COL4A4: variants seen among roughly 807,000 people sequenced by gnomAD.
The protein encoded by COL4A4 is collagen alpha-4(IV) chain.
COL4A4 carries 105 observed loss-of-function variants against 192.9 expected under a neutral mutation model. That is an observed-to-expected ratio of 0.54 (90% confidence interval 0.46 to 0.64). The LOEUF (loss-of-function observed/expected upper bound fraction) is 0.64, where lower values mean the gene tolerates loss of function less well. Among genes scored for constraint, COL4A4 ranks in the 30% least tolerant of loss-of-function variants. The pLI is 0.00. For missense variants in COL4A4, 1,967 were observed against 2,169.3 expected (o/e 0.91, Z 1.85); for synonymous variants, 762 against 769.9 (o/e 0.99, Z 0.17).
Position 227,008,129 on chromosome 2 carries a change from A to G in COL4A4, c.4698T>C (p.Cys1566=). 1 of 1,614,042 alleles carries G rather than the reference A, an allele frequency of 6.2e-7. No homozygotes were observed. Among genetic ancestry groups the G allele is most frequent in the South Asian group, 1.1e-5 (1 of 91,064 alleles). Residue 1566 remains cysteine, a synonymous_variant, in exon 47 of 48, where the codon TGT becomes TGC. Transcript: ENST00000396625. Reference sequence around the variant, plus strand: ...CCTGGGCCGGGGCCTCGCATACCGCACAGCGGCTGACATAGGGGCGGATCG... The same window carrying G: ...CCTGGGCCGGGGCCTCGCATACCGCGCAGCGGCTGACATAGGGGCGGATCG... ...EEAIRPYVSR[C]AVCEAPAQAV...
At chr2:227,082,281 A>T in intron 22 of COL4A4, 94 bp from the exon 23 acceptor site, 1 of 1,130,852 alleles carries the variant, frequency 8.8e-7, no homozygotes, top group Non-Finnish European at 1.3e-6. Flanking sequence ...TCCCTCCTAA[A>T]TCTCTTGTTA....
intron 20 of COL4A4, among the ~76,000 whole-genome samples, chr2:227,092,009 G>A (rs2059966763): frequency 6.6e-6 from 1 of 152,036 alleles, no homozygotes; most frequent in African/African-American, 2.4e-5. Context: ...GTGCAAGCCA[G>A]TACAAATGTA....
chr2:227,161,212 G>A (rs1417277263), intron 1 of COL4A4, among the ~76,000 whole-genome samples: 5 of 152,136 alleles, frequency 3.3e-5, no homozygotes, highest in African/African-American at 1.2e-4. Context: ...CATCAGTAAA[G>A]AACACAAAAA....
At chr2:227,142,816 A>G (rs1416396858) in intron 3 of COL4A4, among the ~76,000 whole-genome samples, 1 of 152,222 alleles carries the variant, frequency 6.6e-6, no homozygotes, top group East Asian at 1.9e-4. Context: ...TTGTAATTCC[A>G]TCTTCTTTTT....
At chr2:227,068,215 G>A (rs1470626668) in intron 25 of COL4A4, among the ~76,000 whole-genome samples, 2 of 151,574 alleles carry the variant, frequency 1.3e-5, no homozygotes, top group Non-Finnish European at 2.9e-5. Flanking sequence ...CTGAAATTGT[G>A]GCAATAATCA....
chr2:226,973,745 T>C, the COL4A4 span, among the ~76,000 whole-genome samples: 1 of 152,204 alleles, frequency 6.6e-6, no homozygotes, highest in African/African-American at 2.4e-5. Context: ...GAAAACCAGA[T>C]GAGAAGAGCC....
At chr2:227,094,002 C>A in intron 20 of COL4A4, 123 bp downstream of exon 20, 1 of 893,848 alleles carries the variant, frequency 1.1e-6, no homozygotes, top group Non-Finnish European at 1.7e-6. Context: ...TAAAAGACAA[C>A]CAACTTAGCT....
At chr2:227,009,508 T>C (rs1963046683) in intron 46 of COL4A4, among the ~76,000 whole-genome samples, 1 of 151,970 alleles carries the variant, frequency 6.6e-6, no homozygotes, top group Admixed American at 6.6e-5. Context: ...ATTCGAGACC[T>C]ACCTGGCCGC....
At chr2:227,109,108 C>T (rs751447966) in intron 10 of COL4A4, 116 bp downstream of exon 10, 9 of 1,025,776 alleles carry the variant, frequency 8.8e-6, no homozygotes, top group Non-Finnish European at 1.4e-5. Flanking sequence ...ACTGATTCAT[C>T]GATTATAATC....
intron 1 of COL4A4, 38 bp downstream of exon 1, chr2:227,163,969 C>G (rs1443621469): frequency 6.6e-6 from 1 of 152,354 alleles, no homozygotes; most frequent in African/African-American, 2.4e-5. Context: ...GGTGCCGGGG[C>G]CCCGGGACAG....
At chr2:227,088,236 C>T (rs564118607) in intron 22 of COL4A4, among the ~76,000 whole-genome samples, 1 of 152,318 alleles carries the variant, frequency 6.6e-6, no homozygotes, top group Non-Finnish European at 1.5e-5. Context: ...TTTATCTCTA[C>T]GTGTCTGATA....
the COL4A4 span, among the ~76,000 whole-genome samples, chr2:226,982,006 G>A: frequency 6.6e-6 from 1 of 152,234 alleles, no homozygotes; most frequent in Non-Finnish European, 1.5e-5. Flanking sequence ...ACAAGCTGCT[G>A]CCTCTCAAAA....
chr2:227,060,083 A>G (rs1348344093), intron 27 of COL4A4, 53 bp downstream of exon 27: 1 of 1,070,046 alleles, frequency 9.3e-7, no homozygotes, highest in African/African-American at 1.7e-5. Context: ...AAAGTTCCTG[A>G]TAGATATTCC....
chr2:227,134,832 T>G (rs2062707644), intron 4 of COL4A4, among the ~76,000 whole-genome samples: 1 of 152,258 alleles, frequency 6.6e-6, no homozygotes, highest in South Asian at 2.1e-4. Flanking sequence ...CCTCCGTGTT[T>G]GTAAAACCAC....
At chr2:227,040,568 C>CT (rs66552238) in intron 37 of COL4A4, among the ~76,000 whole-genome samples, 1,588 of 141,014 alleles carry the variant, frequency 0.011, 15 homozygotes, top group East Asian at 0.045. Context: ...AATACTTTTT[C>CT]TTTTTTTTTT....
At chr2:227,144,676 C>CT (rs1352558353) in intron 2 of COL4A4, 118 bp from the exon 3 acceptor site, 5 of 772,228 alleles carry the variant, frequency 6.5e-6, no homozygotes, top group Admixed American at 2.1e-5. Context: ...GAGGCTGCTC[C>CT]TACTAGCCGA....
chr2:227,020,826 C>G (rs893372358), intron 44 of COL4A4, among the ~76,000 whole-genome samples: 3 of 151,128 alleles, frequency 2.0e-5, no homozygotes, highest in Admixed American at 6.6e-5. Context: ...GTAAATTACC[C>G]AATGCAGTGG....
At chr2:227,160,005 C>T (rs968193387) in intron 1 of COL4A4, among the ~76,000 whole-genome samples, 8 of 152,270 alleles carry the variant, frequency 5.3e-5, no homozygotes, top group Admixed American at 2.0e-4. Flanking sequence ...GCTCTTTAAT[C>T]CTTGACCTAG....
chr2:227,052,238 G>A, intron 32 of COL4A4, 67 bp downstream of exon 32: 1 of 949,544 alleles, frequency 1.1e-6, no homozygotes, highest in South Asian at 1.3e-5. Context: ...GGGGAAAGTT[G>A]CCTAACAAAT....
Sources: gnomAD v4.1 joint callset for allele counts (sites outside exome capture counted in the v4.1 genomes callset) on GRCh38, gnomAD v4.1.1 for gene constraint, MANE v1.5 for transcripts, NCBI Gene and HGNC (gene_info 2026-07-23, HGNC 2026-07-21) for gene names.